The following RAB11FIP3 variants were observed in gnomAD, a reference collection of about 807,000 sequenced individuals.
RAB11FIP3 encodes the protein rab11 family-interacting protein 3.
RAB11FIP3 carries 17 observed loss-of-function variants against 77.8 expected under a neutral mutation model. That is an observed-to-expected ratio of 0.22 (90% CI 0.15 to 0.33). RAB11FIP3 has a LOEUF of 0.33. Among genes scored for constraint, RAB11FIP3 ranks in the 10% least tolerant of loss-of-function variants. The pLI is 1.00. For synonymous variants in RAB11FIP3, 437 were observed against 448.2 expected (o/e 0.98, Z 0.31); for missense variants, 1,005 against 1,011.2 (o/e 0.99, Z 0.08).
At position 522,868 on chromosome 16, in the gene RAB11FIP3, G is replaced by C. The variant is rs1386338212; in HGVS notation, c.*2029G>C. 6.6e-6 allele frequency: 1 copy of C among 152,322 alleles called. No individual in the cohort carries two copies. The highest frequency in any genetic ancestry group is 2.4e-5 in the African/African-American group (1 of 41,452). The allele number at this position is 152,322 out of a possible 1,614,324, so 9.4% of individuals were successfully genotyped here. A position where few individuals can be genotyped will look rare whatever the true frequency, so the allele number is the denominator to read the frequency against. On this transcript the variant is annotated 3_prime_UTR_variant, in exon 14 of 14. Transcript: ENST00000262305. Reference sequence around the variant, plus strand: ...AAACGTCCCCGGGATTAAGAGAAGAGTGGGGGGCAGGGCGCAGAGGCTCAC... The same window carrying C: ...AAACGTCCCCGGGATTAAGAGAAGACTGGGGGGCAGGGCGCAGAGGCTCAC...
At chr16:519,455 G>A (rs934147971) in intron 10 of RAB11FIP3, among the ~76,000 whole-genome samples, 10 of 152,246 alleles carry the variant, frequency 6.6e-5, no homozygotes, top group Non-Finnish European at 1.3e-4. Context: ...ATGAACCAGA[G>A]GAGCCCGGCT....
At chr16:449,215 C>G (rs1046048086) in intron 1 of RAB11FIP3, among the ~76,000 whole-genome samples, 1 of 152,302 alleles carries the variant, frequency 6.6e-6, no homozygotes, top group East Asian at 1.9e-4. Flanking sequence ...TAGCTATTCC[C>G]TCTGCCTGGA....
intron 10 of RAB11FIP3, 80 bp from the exon 11 acceptor site, chr16:519,674 G>T: frequency 6.5e-7 from 1 of 1,546,068 alleles, no homozygotes; most frequent in Non-Finnish European, 8.8e-7. Flanking sequence ...CTCAGAGATT[G>T]GAGGGACAGA....
At chr16:496,280 C>A (rs578002192) in intron 5 of RAB11FIP3, among the ~76,000 whole-genome samples, 60 of 152,324 alleles carry the variant, frequency 3.9e-4, no homozygotes, top group Admixed American at 3.5e-3. Flanking sequence ...CCATGTGCCA[C>A]TGCAGATGGT....
At chr16:432,244 G>A (rs1333585709) in intron 1 of RAB11FIP3, among the ~76,000 whole-genome samples, 1 of 152,058 alleles carries the variant, frequency 6.6e-6, no homozygotes, top group Non-Finnish European at 1.5e-5. Flanking sequence ...GGGTGTGGTG[G>A]TAGGCGCCTA....
chr16:461,287 G>C lies in RAB11FIP3; in HGVS notation c.715-117G>C. 2 of 688,920 alleles carry C rather than the reference G, an allele frequency of 2.9e-6. No homozygotes were observed. Among genetic ancestry groups the C allele is most frequent in the Non-Finnish European group, 2.4e-6 (1 of 409,654 alleles). The allele number at this position is 688,920 out of a possible 1,614,324, so 42.7% of individuals were successfully genotyped here. A position where few individuals can be genotyped will look rare whatever the true frequency, so the allele number is the denominator to read the frequency against. The stretch of plus-strand genomic sequence containing the variant: ...AGGCGGTAATGCTCCCTCACCTCCT[G>C]CTGTGCTTCCCCGTTCCCAGCAGGC... On this transcript the variant is annotated intron_variant, in intron 1 of 13. Transcript: ENST00000262305. The surrounding 1 kb of genome is among the most constrained non-coding windows in gnomAD (Gnocchi z 4.5).
chr16:461,633 G>A lies in RAB11FIP3; in HGVS notation c.808+136G>A, dbSNP rs2055607885. The A allele has an allele frequency of 1.6e-6, 1 of 641,582 alleles. No individual in the cohort carries two copies. The highest frequency in any genetic ancestry group is 2.6e-6 in the Non-Finnish European group (1 of 378,632). The allele number at this position is 641,582 out of a possible 1,614,324, so 39.7% of individuals were successfully genotyped here. A position where few individuals can be genotyped will look rare whatever the true frequency, so the allele number is the denominator to read the frequency against. On this transcript the variant is annotated intron_variant, in intron 2 of 13. Coordinates refer to ENST00000262305, the MANE Select transcript of RAB11FIP3 (RefSeq NM_014700.4). The surrounding 1 kb of genome is among the most constrained non-coding windows in gnomAD (Gnocchi z 4.5). ...CCTTGAAGCCCCCAACATACCCCAG[G>A]TTTCCAGGTGGTCTCTTTCCTTTCT... is the stretch of plus-strand genomic sequence containing the variant.
chr16:492,405 C>T (rs1204200344), intron 5 of RAB11FIP3, among the ~76,000 whole-genome samples: 1 of 143,850 alleles, frequency 7.0e-6, no homozygotes. Flanking sequence ...CCCGGGAGAC[C>T]CGAGGCCGCC....
chr16:435,536 G>A (rs1181591721), intron 1 of RAB11FIP3, among the ~76,000 whole-genome samples: 7 of 152,178 alleles, frequency 4.6e-5, no homozygotes, highest in Admixed American at 6.5e-5. Context: ...CTTACAACCA[G>A]GTAGAATTGA....
chr16:492,482 G>A (rs55866727), intron 5 of RAB11FIP3, among the ~76,000 whole-genome samples: 2,570 of 31,008 alleles, frequency 0.083, 233 homozygotes, highest in African/African-American at 0.14. Flanking sequence ...GGCCGCCCAG[G>A]GCCCTCCCGG....
intron 1 of RAB11FIP3, among the ~76,000 whole-genome samples, chr16:437,879 T>TA (rs1404954631): frequency 6.6e-6 from 1 of 151,436 alleles, no homozygotes; most frequent in Non-Finnish European, 1.5e-5. Context: ...TCTTGGCCCA[T>TA]ACCCACTGCA....
At position 510,818 on chromosome 16, in the gene RAB11FIP3, GC is replaced by G; in HGVS notation, c.1640+21del. The G allele has an allele frequency of 6.2e-7, 1 of 1,611,158 alleles. No individual in the cohort carries two copies. Among genetic ancestry groups the G allele is most frequent in the Non-Finnish European group, 8.5e-7 (1 of 1,178,830 alleles). On this transcript the variant is annotated intron_variant, in intron 9 of 13. Transcript: ENST00000262305. ...CAGACCAGGTAGGCGGTTCCCAACAGCCCATCCACCCCAGAACCTGCAGGCC... is the reference window on the plus strand; with the variant it reads ...CAGACCAGGTAGGCGGTTCCCAACAGCCATCCACCCCAGAACCTGCAGGCC...
intron 2 of RAB11FIP3, among the ~76,000 whole-genome samples, chr16:469,060 TTTATTA>T (rs563463441): frequency 4.0e-5 from 6 of 151,458 alleles, no homozygotes; most frequent in East Asian, 1.9e-4. Context: ...TAATTTTTAA[TTTATTA>T]TTATTATTAT....
At position 521,738 on chromosome 16, in the gene RAB11FIP3, T is replaced by TAAAGGCCACACCCTCCC. The variant is rs1197659919; in HGVS notation, c.*900_*916dup. 1 of 152,230 alleles carries TAAAGGCCACACCCTCCC rather than the reference T, an allele frequency of 6.6e-6. No homozygotes were observed. Among genetic ancestry groups the TAAAGGCCACACCCTCCC allele is most frequent in the African/African-American group, 2.4e-5 (1 of 41,442 alleles). The allele number at this position is 152,230 out of a possible 1,614,324, so 9.4% of individuals were successfully genotyped here. ...ACAGGTGCGGCCTGGCCCGGCCTCC[T>TAAAGGCCACACCCTCCC]AAAGGCCACACCCTCCCCACGCACT... On this transcript the variant is annotated 3_prime_UTR_variant, in exon 14 of 14. Coordinates refer to ENST00000262305, the MANE Select transcript of RAB11FIP3 (RefSeq NM_014700.4).
At chr16:498,121 C>T (rs548809169) in intron 6 of RAB11FIP3, among the ~76,000 whole-genome samples, 18 of 152,206 alleles carry the variant, frequency 1.2e-4, no homozygotes, top group South Asian at 2.1e-4. Flanking sequence ...CCAAAATTCT[C>T]GGATTACAGA....
At chr16:443,176 C>T (rs1188592815) in intron 1 of RAB11FIP3, among the ~76,000 whole-genome samples, 3 of 152,072 alleles carry the variant, frequency 2.0e-5, no homozygotes, top group African/African-American at 7.2e-5. Context: ...CTGAGGAACA[C>T]TTGGCTCTCT....
chr16:462,995 C>G (rs3785300), intron 2 of RAB11FIP3, among the ~76,000 whole-genome samples: 91,674 of 152,076 alleles, frequency 0.6, 27,931 homozygotes, highest in African/African-American at 0.68. Flanking sequence ...TTGTGTACAA[C>G]TCTTTGTGTG....
At chr16:435,040 C>A (rs2055105505) in intron 1 of RAB11FIP3, among the ~76,000 whole-genome samples, 1 of 151,962 alleles carries the variant, frequency 6.6e-6, no homozygotes, top group African/African-American at 2.4e-5. Flanking sequence ...CCCGTCTCTA[C>A]GAAAAATACA....
At chr16:501,841 G>C (rs1264376212) in intron 6 of RAB11FIP3, among the ~76,000 whole-genome samples, 1 of 150,902 alleles carries the variant, frequency 6.6e-6, no homozygotes, top group East Asian at 2.0e-4. Context: ...GAAGTTCGGA[G>C]AGGATCCCCC....
Sources: allele counts gnomAD v4.1 joint callset (sites outside exome capture counted in the v4.1 genomes callset), GRCh38; gene constraint gnomAD v4.1.1; non-coding constraint Gnocchi (gnomAD v3.1); transcripts MANE v1.5; gene names NCBI Gene and HGNC (gene_info 2026-07-23, HGNC 2026-07-21).